Variants in ZFHX3 observed in about 807,000 individuals in gnomAD.
The protein encoded by ZFHX3 is zinc finger homeobox 3.
A neutral mutation model predicts 279.1 loss-of-function variants in ZFHX3; 42 were observed. The observed-to-expected ratio is 0.15, with a 90% CI of 0.12 to 0.19. ZFHX3 has a LOEUF of 0.19. Among genes scored for constraint, ZFHX3 ranks in the 10% least tolerant of loss-of-function variants. ZFHX3 has a pLI of 1.00. For synonymous variants in ZFHX3, 2,293 were observed against 1,957.8 expected (o/e 1.17, Z -4.52); for missense variants, 4,981 against 4,754.0 (o/e 1.05, Z -1.40).
intron 1 of ZFHX3, among the ~76,000 whole-genome samples, chr16:73,765,643 T>G (rs1263288449): frequency 1.3e-5 from 2 of 152,232 alleles, no homozygotes; most frequent in Admixed American, 1.3e-4. Context: ...TCATTTTTGG[T>G]TCAAGGCCAG....
intron 3 of ZFHX3, among the ~76,000 whole-genome samples, chr16:73,363,553 T>C (rs960196982): frequency 2.6e-5 from 4 of 152,056 alleles, no homozygotes; most frequent in African/African-American, 9.7e-5. Context: ...CACTTTAATT[T>C]TTTTTTTCCC....
chr16:73,377,971 T>C (rs2016751144), intron 3 of ZFHX3, among the ~76,000 whole-genome samples: 1 of 129,822 alleles, frequency 7.7e-6, no homozygotes, highest in Non-Finnish European at 1.5e-5. Flanking sequence ...AGGCGGAGCT[T>C]GCAGTGAGCC....
chr16:73,692,522 C>T (rs894028685), intron 1 of ZFHX3, among the ~76,000 whole-genome samples: 1 of 152,150 alleles, frequency 6.6e-6, no homozygotes, highest in Admixed American at 6.5e-5. Context: ...TTTTAAAGAG[C>T]CAAGAGATTC....
At chr16:73,026,109 A>AGCAG (rs1186642836) in intron 1 of ZFHX3, among the ~76,000 whole-genome samples, 6 of 146,338 alleles carry the variant, frequency 4.1e-5, no homozygotes, top group Non-Finnish European at 8.9e-5. Flanking sequence ...CACTTAGGGA[A>AGCAG]GCAGAGGTGG....
At chr16:73,158,625 C>T (rs1417074415) in intron 5 of ZFHX3, among the ~76,000 whole-genome samples, 1 of 152,116 alleles carries the variant, frequency 6.6e-6, no homozygotes, top group Non-Finnish European at 1.5e-5. Flanking sequence ...ATCGTTGCCA[C>T]TCATAAGCAA....
chr16:73,320,669 C>T (rs55656211), intron 3 of ZFHX3, among the ~76,000 whole-genome samples: 31,309 of 152,136 alleles, frequency 0.21, 3,318 homozygotes, highest in East Asian at 0.28. Flanking sequence ...ACACATGAGA[C>T]AGCCAGAAGT....
chr16:73,542,022 G>A (rs1466175812), intron 2 of ZFHX3, among the ~76,000 whole-genome samples: 1 of 151,768 alleles, frequency 6.6e-6, no homozygotes, highest in African/African-American at 2.4e-5. Context: ...GGATGGTCTC[G>A]ATCTCTTGAC....
intron 1 of ZFHX3, among the ~76,000 whole-genome samples, chr16:73,862,922 T>C (rs1961920016): frequency 6.6e-6 from 1 of 152,158 alleles, no homozygotes; most frequent in Non-Finnish European, 1.5e-5. Context: ...GATTAATTAG[T>C]AGAAGCATGG....
At chr16:73,156,231 C>CAAAAA (rs60993308) in intron 5 of ZFHX3, among the ~76,000 whole-genome samples, 3 of 88,524 alleles carry the variant, frequency 3.4e-5, no homozygotes, top group Non-Finnish European at 2.2e-5. Flanking sequence ...GACTCCCTCT[C>CAAAAA]AAAAAAAAAA....
chr16:73,648,583 TG>T (rs1225149270), intron 2 of ZFHX3, among the ~76,000 whole-genome samples: 3 of 152,260 alleles, frequency 2.0e-5, no homozygotes, highest in East Asian at 1.9e-4. Flanking sequence ...TGTTTTGTTT[TG>T]TTTTTTTAGT....
rs1219035477 is a variant in ZFHX3 at position 73,058,396 on chromosome 16, G to T, written c.-24+134C>A. ...GGCCGGGCGCGAGAGCCGGGAGGGG[G>T]CAGGACGAGCCCCATGCAAAGCAGC... On this transcript the variant is annotated intron_variant, in intron 1 of 8. Transcript: ENST00000397992. The T allele has an allele frequency of 4.6e-4, 81 of 176,750 alleles. 1 individual carries two copies. Among genetic ancestry groups the T allele is most frequent in the Middle Eastern group, 4.2e-3 (2 of 474 alleles). The allele number at this position is 176,750 out of a possible 1,614,324, so 10.9% of individuals were successfully genotyped here. A position where few individuals can be genotyped will look rare whatever the true frequency, so the allele number is the denominator to read the frequency against.
At chr16:72,886,255 G>A (rs1242461210) in intron 4 of ZFHX3, among the ~76,000 whole-genome samples, 1 of 152,162 alleles carries the variant, frequency 6.6e-6, no homozygotes, top group East Asian at 1.9e-4. Context: ...CTGTGTGTGG[G>A]AGGGGAGGAG....
rs1162162852 is a variant in ZFHX3 at position 72,783,594 on chromosome 16, A to G, written c.*3570T>C. The G allele has an allele frequency of 6.6e-6, 1 of 152,374 alleles. No homozygotes were observed. Among genetic ancestry groups the G allele is most frequent in the African/African-American group, 2.4e-5 (1 of 41,438 alleles). 9.4% of individuals were successfully genotyped at this position (152,374 alleles called of 1,614,324 possible). A position where few individuals can be genotyped will look rare whatever the true frequency, so the allele number is the denominator to read the frequency against. On this transcript the variant is annotated 3_prime_UTR_variant, in exon 10 of 10. Coordinates refer to ENST00000268489, the MANE Select transcript of ZFHX3 (RefSeq NM_006885.4). ...TCTTTAAATAGCTTGTAATTAAAAA[A>G]AAAATTCCTAGATGTATTAAATTTT...
intron 2 of ZFHX3, among the ~76,000 whole-genome samples, chr16:73,577,266 G>T (rs897414829): frequency 6.6e-6 from 1 of 152,098 alleles, no homozygotes; most frequent in Admixed American, 6.6e-5. Context: ...AGGAAGTTCA[G>T]GTAGAAACTG....
intron 3 of ZFHX3, among the ~76,000 whole-genome samples, chr16:73,426,707 G>A (rs2143505170): frequency 6.6e-6 from 1 of 152,230 alleles, no homozygotes; most frequent in East Asian, 1.9e-4. Context: ...AAACCAACAT[G>A]CTATTGAGAG....
At chr16:73,054,653 T>A (rs1555545890) in intron 1 of ZFHX3, among the ~76,000 whole-genome samples, 1 of 151,718 alleles carries the variant, frequency 6.6e-6, no homozygotes, top group Non-Finnish European at 1.5e-5. Flanking sequence ...AACCAAGAAA[T>A]TTGGGAGAAA....
intron 1 of ZFHX3, among the ~76,000 whole-genome samples, chr16:72,965,500 G>C (rs551611730): frequency 7.9e-5 from 12 of 152,324 alleles, no homozygotes; most frequent in African/African-American, 2.6e-4. Context: ...ACAAAAGGCA[G>C]GTTCCAGAAC....
chr16:73,710,161 G>A (rs572699021), intron 1 of ZFHX3, among the ~76,000 whole-genome samples: 45 of 152,190 alleles, frequency 3.0e-4, no homozygotes, highest in African/African-American at 1.1e-3. Context: ...TGGGCAACAA[G>A]AGCAAAACTC....
At chr16:72,965,258 A>T (rs1961779862) in intron 1 of ZFHX3, among the ~76,000 whole-genome samples, 1 of 152,188 alleles carries the variant, frequency 6.6e-6, no homozygotes, top group Non-Finnish European at 1.5e-5. Flanking sequence ...GTCTTTAAGC[A>T]CCCAGGGACT....
Sources: allele counts gnomAD v4.1 joint callset (sites outside exome capture counted in the v4.1 genomes callset), GRCh38; gene constraint gnomAD v4.1.1; transcripts MANE v1.5; gene names NCBI Gene and HGNC (gene_info 2026-07-23, HGNC 2026-07-21).